Variants in TNR observed in about 807,000 individuals in gnomAD.
The protein encoded by TNR is tenascin R.
A neutral mutation model predicts 150.4 loss-of-function variants in TNR; 45 were observed. The ratio of observed to expected loss-of-function variants is 0.30; its 90% CI spans 0.24 to 0.38. The LOEUF is 0.38. Among genes scored for constraint, TNR ranks in the 10% least tolerant of loss-of-function variants. The pLI is 1.00. For missense variants in TNR, 1,544 were observed against 1,759.1 expected (o/e 0.88, Z 2.19); for synonymous variants, 687 against 678.4 (o/e 1.01, Z -0.20).
intron 1 of TNR, among the ~76,000 whole-genome samples, chr1:175,640,148 T>G (rs1664609545): frequency 6.6e-6 from 1 of 152,244 alleles, no homozygotes; most frequent in African/African-American, 2.4e-5. Flanking sequence ...CAGAGATAGA[T>G]CTTTTTTAAG....
intron 1 of TNR, among the ~76,000 whole-genome samples, chr1:175,704,160 C>T (rs1666777494): frequency 1.3e-5 from 2 of 152,080 alleles, no homozygotes; most frequent in African/African-American, 4.8e-5. Context: ...TGTAGATGTC[C>T]TAATAAGTAC....
chr1:175,637,963 ACC>A (rs1042747501), intron 1 of TNR, among the ~76,000 whole-genome samples: 2 of 151,940 alleles, frequency 1.3e-5, no homozygotes, highest in South Asian at 4.2e-4. Flanking sequence ...CCTTCTCCCC[ACC>A]CCCATCTCCA....
intron 2 of TNR, among the ~76,000 whole-genome samples, chr1:175,447,450 G>A (rs1397582311): frequency 1.3e-5 from 2 of 152,104 alleles, no homozygotes; most frequent in Admixed American, 6.5e-5. Context: ...CCTTCTTCCC[G>A]GCCCTTGTTT....
intron 1 of TNR, among the ~76,000 whole-genome samples, chr1:175,653,823 T>C (rs1257380965): frequency 6.6e-6 from 1 of 152,228 alleles, no homozygotes; most frequent in African/African-American, 2.4e-5. Context: ...ATTAAATTGA[T>C]GCTATTAACT....
intron 2 of TNR, among the ~76,000 whole-genome samples, chr1:175,450,790 T>G (rs1462817870): frequency 1.3e-5 from 2 of 152,162 alleles, no homozygotes; most frequent in African/African-American, 4.8e-5. Flanking sequence ...AAAGGGCCCA[T>G]AAAAATCTAG....
chr1:175,447,323 A>C (rs907669287), intron 2 of TNR, among the ~76,000 whole-genome samples: 5 of 151,982 alleles, frequency 3.3e-5, no homozygotes, highest in African/African-American at 1.2e-4. Context: ...GCTTCTCTGA[A>C]GGTTTTCATT....
intron 1 of TNR, among the ~76,000 whole-genome samples, chr1:175,586,531 A>G (rs566381121): frequency 6.6e-6 from 1 of 152,078 alleles, no homozygotes; most frequent in African/African-American, 2.4e-5. Flanking sequence ...GTCTTGAACT[A>G]CTGACCTCAG....
chr1:175,723,772 A>G (rs56365105), intron 1 of TNR, among the ~76,000 whole-genome samples: 43,909 of 152,004 alleles, frequency 0.29, 6,502 homozygotes, highest in African/African-American at 0.36. Context: ...CAACTATTCA[A>G]GAGGCTGAGA....
intron 2 of TNR, among the ~76,000 whole-genome samples, chr1:175,423,623 GA>G (rs1654847084): frequency 1.3e-5 from 2 of 152,138 alleles, no homozygotes; most frequent in Admixed American, 1.3e-4. Flanking sequence ...CCTGAAACTA[GA>G]CCCTAAGAAA....
At chr1:175,668,069 A>G (rs1240718091) in intron 1 of TNR, among the ~76,000 whole-genome samples, 4 of 152,142 alleles carry the variant, frequency 2.6e-5, no homozygotes, top group Admixed American at 1.3e-4. Flanking sequence ...GGTGGTTCAT[A>G]TGCTTATTAT....
At chr1:175,426,794 A>G (rs1168817780) in intron 2 of TNR, among the ~76,000 whole-genome samples, 1 of 139,262 alleles carries the variant, frequency 7.2e-6, no homozygotes, top group East Asian at 2.0e-4. Flanking sequence ...GTGTGTGTGT[A>G]TATATATAAT....
At chr1:175,397,563 CA>C (rs1653492328) in intron 4 of TNR, among the ~76,000 whole-genome samples, 2 of 152,132 alleles carry the variant, frequency 1.3e-5, no homozygotes, top group African/African-American at 4.8e-5. Flanking sequence ...TATGAGAAGC[CA>C]AAACAGTAAG....
intron 1 of TNR, among the ~76,000 whole-genome samples, chr1:175,607,731 A>C (rs2101852413): frequency 6.6e-6 from 1 of 152,358 alleles, no homozygotes; most frequent in South Asian, 2.1e-4. Flanking sequence ...GATGGAGTTA[A>C]GCTCAACTAG....
intron 9 of TNR, among the ~76,000 whole-genome samples, chr1:175,372,787 A>C (rs1272203594): frequency 6.6e-6 from 1 of 152,024 alleles, no homozygotes; most frequent in African/African-American, 2.4e-5. Flanking sequence ...GGAAATATGG[A>C]CCTTTCCATC....
chr1:175,594,458 A>G (rs1467245756), intron 1 of TNR, among the ~76,000 whole-genome samples: 2 of 152,118 alleles, frequency 1.3e-5, no homozygotes, highest in Admixed American at 6.5e-5. Flanking sequence ...TCTATCTCCT[A>G]AAGCATTTAT....
intron 1 of TNR, among the ~76,000 whole-genome samples, chr1:175,715,318 C>A (rs1667125946): frequency 6.6e-6 from 1 of 152,140 alleles, no homozygotes; most frequent in South Asian, 2.1e-4. Flanking sequence ...GTATGAAGGG[C>A]CCATAAATGC....
chr1:175,554,139 T>C (rs1661057566), intron 1 of TNR, among the ~76,000 whole-genome samples: 1 of 152,166 alleles, frequency 6.6e-6, no homozygotes, highest in Non-Finnish European at 1.5e-5. Context: ...TAGCTTTTGT[T>C]CTTGCTAAGT....
intron 1 of TNR, among the ~76,000 whole-genome samples, chr1:175,536,308 G>A (rs78931309): frequency 0.024 from 3,704 of 152,228 alleles, 73 homozygotes; most frequent in Non-Finnish European, 0.039. Context: ...TATGGACCAA[G>A]CCATTAAAAA....
intron 5 of TNR, 124 bp downstream of exon 5, chr1:175,396,420 C>T (rs1653426867): frequency 2.4e-6 from 3 of 1,259,930 alleles, no homozygotes; most frequent in African/African-American, 3.0e-5. Context: ...TAGCCCTTCC[C>T]CTCAAGGGCA....
Sources: gnomAD v4.1 joint callset for allele counts (sites outside exome capture counted in the v4.1 genomes callset) on GRCh38, gnomAD v4.1.1 for gene constraint, MANE v1.5 for transcripts, NCBI Gene and HGNC (gene_info 2026-07-23, HGNC 2026-07-21) for gene names.